Variants in RNF150 observed in about 807,000 individuals in gnomAD.
The protein encoded by RNF150 is ring finger protein 150.
In RNF150, 24 loss-of-function variants were observed where a neutral mutation model predicts 39.3. The ratio of observed to expected loss-of-function variants is 0.61; its 90% CI spans 0.44 to 0.86. The LOEUF (loss-of-function observed/expected upper bound fraction) is 0.86. Among genes scored for constraint, RNF150 ranks in the 40% least tolerant of loss-of-function variants. The pLI is 0.00. For missense variants in RNF150, 502 were observed against 587.8 expected (o/e 0.85, Z 1.51); for synonymous variants, 255 against 227.3 (o/e 1.12, Z -1.10).
intron 1 of RNF150, among the ~76,000 whole-genome samples, chr4:141,092,741 C>G (rs1228087950): frequency 2.0e-5 from 3 of 151,690 alleles, no homozygotes; most frequent in African/African-American, 7.3e-5. Flanking sequence ...TTTAAACGGT[C>G]AAATAGCTTT....
intron 2 of RNF150, among the ~76,000 whole-genome samples, chr4:140,960,169 G>A (rs1481462870): frequency 6.6e-6 from 1 of 152,168 alleles, no homozygotes; most frequent in East Asian, 1.9e-4. Flanking sequence ...TAAATGCCAT[G>A]AGAGTTGACC....
chr4:141,013,571 A>G (rs1420864375), intron 1 of RNF150, among the ~76,000 whole-genome samples: 2 of 152,160 alleles, frequency 1.3e-5, no homozygotes, highest in African/African-American at 4.8e-5. Context: ...ATTTCTCTGT[A>G]TCTTCAAATA....
chr4:140,992,151 TTCTA>T (rs1734216256), intron 1 of RNF150, among the ~76,000 whole-genome samples: 1 of 152,290 alleles, frequency 6.6e-6, no homozygotes, highest in Admixed American at 6.5e-5. Flanking sequence ...CCTTCAGAAT[TTCTA>T]TCTGAGTACA....
intron 1 of RNF150, among the ~76,000 whole-genome samples, chr4:141,008,956 T>A (rs1489016171): frequency 6.6e-6 from 1 of 152,226 alleles, no homozygotes; most frequent in Non-Finnish European, 1.5e-5. Context: ...ATATGCATGA[T>A]GTGCTTGGGT....
At chr4:141,117,427 G>A (rs1268904973) in intron 1 of RNF150, among the ~76,000 whole-genome samples, 2 of 152,112 alleles carry the variant, frequency 1.3e-5, no homozygotes, top group Admixed American at 6.5e-5. Context: ...ACAGTATTCA[G>A]TGTAGAAACA....
At chr4:140,906,079 C>T (rs1578950362) in intron 6 of RNF150, among the ~76,000 whole-genome samples, 1 of 152,190 alleles carries the variant, frequency 6.6e-6, no homozygotes, top group East Asian at 1.9e-4. Flanking sequence ...TATGTGTTTG[C>T]AACTTAGAGG....
rs1264185856 is a variant in RNF150, at chr4:140,861,736, T to A, written c.*6525A>T. On this transcript the variant is annotated 3_prime_UTR_variant, in exon 7 of 7. Transcript: ENST00000515673. ...ACTATATTTAGCTAGCTCTTATACA[T>A]GAAAATTCTTTGGCTATTTAAAATC... 1 of 152,190 alleles carries A rather than the reference T, an allele frequency of 6.6e-6. No individual in the cohort carries two copies. Among genetic ancestry groups the A allele is most frequent in the Non-Finnish European group, 1.5e-5 (1 of 68,020 alleles). The allele number at this position is 152,190 out of a possible 1,614,324, so 9.4% of individuals were successfully genotyped here.
intron 2 of RNF150, among the ~76,000 whole-genome samples, chr4:140,961,138 C>G (rs184481439): frequency 5.3e-5 from 8 of 152,280 alleles, no homozygotes; most frequent in Non-Finnish European, 1.2e-4. Context: ...GGCACACCAG[C>G]CAAATCTTCT....
intron 1 of RNF150, among the ~76,000 whole-genome samples, chr4:140,996,329 A>AT (rs150820398): frequency 0.076 from 11,534 of 152,040 alleles, 499 homozygotes; most frequent in Middle Eastern, 0.16. Flanking sequence ...GGATTGTTAG[A>AT]TTTTTTTCCT....
At chr4:140,872,608 A>G (rs1350115649) in intron 6 of RNF150, among the ~76,000 whole-genome samples, 1 of 152,216 alleles carries the variant, frequency 6.6e-6, no homozygotes, top group Non-Finnish European at 1.5e-5. Flanking sequence ...GGTGGAGATA[A>G]GGGGACAAAT....
chr4:140,917,315 C>A (rs1233014913), intron 5 of RNF150, among the ~76,000 whole-genome samples: 1 of 152,090 alleles, frequency 6.6e-6, no homozygotes, highest in Admixed American at 6.5e-5. Flanking sequence ...CAGAGACACA[C>A]ATAGGCTCAA....
At chr4:140,917,045 C>A (rs1315890100) in intron 5 of RNF150, among the ~76,000 whole-genome samples, 1 of 152,108 alleles carries the variant, frequency 6.6e-6, no homozygotes, top group African/African-American at 2.4e-5. Context: ...GAAGGAAGCA[C>A]TAAACATGGA....
chr4:141,208,575 C>T (rs1472680204), intron 1 of RNF150, among the ~76,000 whole-genome samples: 1 of 152,154 alleles, frequency 6.6e-6, no homozygotes, highest in Admixed American at 6.5e-5. Context: ...TTAATTCTTT[C>T]CTTTTCAATT....
intron 1 of RNF150, among the ~76,000 whole-genome samples, chr4:141,109,932 C>T (rs1578739889): frequency 6.6e-6 from 1 of 152,112 alleles, no homozygotes; most frequent in East Asian, 1.9e-4. Context: ...AAGCAGTAGC[C>T]TCTGGCTTGC....
At chr4:140,890,348 T>G (rs1051912751) in intron 6 of RNF150, among the ~76,000 whole-genome samples, 1 of 152,214 alleles carries the variant, frequency 6.6e-6, no homozygotes, top group Non-Finnish European at 1.5e-5. Flanking sequence ...TTATTCGTCC[T>G]TTCCCCAACA....
intron 1 of RNF150, among the ~76,000 whole-genome samples, chr4:140,968,328 C>T (rs1377380746): frequency 2.0e-5 from 3 of 151,846 alleles, no homozygotes; most frequent in East Asian, 1.9e-4. Context: ...TCTCTCTCCC[C>T]CACACAAACA....
rs560117698 is a variant in RNF150, at chr4:141,032,305, T to C, written c.485-64432A>G. On this transcript the variant is annotated intron_variant, in intron 1 of 6. Coordinates refer to ENST00000515673, the MANE Select transcript of RNF150 (RefSeq NM_020724.2). ...GGAACTTGAGGGAAATGGGATTATG[T>C]TGGTCAAAGGGTACAAAGCTTCAGT... is the stretch of plus-strand genomic sequence containing the variant. Among the ~76,000 whole-genome samples, 5 of 152,138 alleles carry C rather than the reference T, an allele frequency of 3.3e-5. No individual in the cohort carries two copies. The East Asian group carries it at 9.7e-4, about 29-fold the overall frequency.
At chr4:141,080,010 C>T (rs2110976333) in intron 1 of RNF150, among the ~76,000 whole-genome samples, 1 of 152,172 alleles carries the variant, frequency 6.6e-6, no homozygotes, top group South Asian at 2.1e-4. Flanking sequence ...AATTGTAAGA[C>T]AGGCACTATT....
At chr4:141,187,891 G>A (rs112657191) in intron 1 of RNF150, among the ~76,000 whole-genome samples, 93 of 152,158 alleles carry the variant, frequency 6.1e-4, no homozygotes, top group Non-Finnish European at 1.2e-3. Context: ...CCTGTCTCAT[G>A]ATGTTAGCTG....
Sources: allele counts gnomAD v4.1 joint callset (sites outside exome capture counted in the v4.1 genomes callset), GRCh38; gene constraint gnomAD v4.1.1; transcripts MANE v1.5; gene names NCBI Gene and HGNC (gene_info 2026-07-23, HGNC 2026-07-21).